Variants in PKNOX2 observed in about 807,000 individuals in gnomAD.
PKNOX2 encodes the protein PBX/knotted 1 homeobox 2.
Under a neutral mutation model 53.1 loss-of-function variants are expected in PKNOX2, and 14 were observed. The observed-to-expected ratio is 0.26, with a 90% CI of 0.17 to 0.41. The LOEUF is 0.41. Among genes scored for constraint, PKNOX2 ranks in the 10% least tolerant of loss-of-function variants. The pLI, the probability that PKNOX2 is intolerant of heterozygous loss-of-function variation, is 1.00. For missense variants in PKNOX2, 496 were observed against 602.8 expected, an observed-to-expected ratio of 0.82 and a Z score of 1.85; for synonymous variants, 257 against 242.8, an observed-to-expected ratio of 1.06 and a Z score of -0.54.
At chr11:125,366,104 C>A (rs1263155258) in intron 4 of PKNOX2, among the ~76,000 whole-genome samples, 3 of 152,212 alleles carry the variant, frequency 2.0e-5, no homozygotes, top group Admixed American at 1.3e-4. Context: ...TTCTTTCTTA[C>A]AGCACCTCCT....
intron 1 of PKNOX2, among the ~76,000 whole-genome samples, chr11:125,167,513 CG>C (rs1954979816): frequency 6.6e-6 from 1 of 152,092 alleles, no homozygotes; most frequent in Admixed American, 6.5e-5. Flanking sequence ...CCTTTGTGAG[CG>C]GGAAAGGCTT....
At chr11:125,393,023 G>A (rs902430056) in intron 6 of PKNOX2, among the ~76,000 whole-genome samples, 13 of 151,844 alleles carry the variant, frequency 8.6e-5, no homozygotes, top group Admixed American at 3.3e-4. Context: ...AAATTAGCCC[G>A]GCGTGGTGGC....
chr11:125,329,644 T>A (rs1565498338), intron 2 of PKNOX2, among the ~76,000 whole-genome samples: 1 of 152,196 alleles, frequency 6.6e-6, no homozygotes, highest in South Asian at 2.1e-4. Flanking sequence ...GGAGGAAAAA[T>A]TACTTCTGGC....
At chr11:125,173,663 G>T (rs998509229) in intron 1 of PKNOX2, among the ~76,000 whole-genome samples, 1 of 152,208 alleles carries the variant, frequency 6.6e-6, no homozygotes, top group South Asian at 2.1e-4. Flanking sequence ...GGGAGGGCCC[G>T]CACTAAGAGG....
intron 1 of PKNOX2, among the ~76,000 whole-genome samples, chr11:125,181,314 G>A (rs1341179185): frequency 1.3e-5 from 2 of 152,244 alleles, no homozygotes; most frequent in East Asian, 3.8e-4. Flanking sequence ...ACAAGAATGT[G>A]AGATGCATTA....
intron 2 of PKNOX2, among the ~76,000 whole-genome samples, chr11:125,279,596 T>A (rs1302456669): frequency 6.6e-6 from 1 of 152,146 alleles, no homozygotes; most frequent in Admixed American, 6.5e-5. Context: ...GGGCATCTGG[T>A]GGGCCCTGCC....
At chr11:125,200,643 C>T (rs914527112) in intron 1 of PKNOX2, among the ~76,000 whole-genome samples, 1 of 152,198 alleles carries the variant, frequency 6.6e-6, no homozygotes, top group Non-Finnish European at 1.5e-5. Context: ...AAGCCACAGC[C>T]GTCACCCATG....
chr11:125,344,907 C>A (rs1029998097), intron 3 of PKNOX2, among the ~76,000 whole-genome samples: 1 of 152,078 alleles, frequency 6.6e-6, no homozygotes, highest in Non-Finnish European at 1.5e-5. Flanking sequence ...GGATGTGAGA[C>A]CTGAGTGCAA....
chr11:125,199,013 G>A (rs11219968), intron 1 of PKNOX2, among the ~76,000 whole-genome samples: 28,265 of 151,876 alleles, frequency 0.19, 3,356 homozygotes, highest in East Asian at 0.33. Flanking sequence ...GCTAATTTTT[G>A]CATTTTCAGT....
chr11:125,245,517 C>T (rs1943495548), intron 2 of PKNOX2, among the ~76,000 whole-genome samples: 1 of 152,244 alleles, frequency 6.6e-6, no homozygotes, highest in African/African-American at 2.4e-5. Context: ...AGCAATTGGA[C>T]TTGGCTTTGA....
In PKNOX2 at chr11:125,240,921, C is replaced by T. The variant is rs921104195; in HGVS notation, c.-130+5806C>T. Among the ~76,000 whole-genome samples, 1 of 152,166 alleles carries T rather than the reference C, an allele frequency of 6.6e-6. No homozygotes were observed. Among genetic ancestry groups the T allele is most frequent in the African/African-American group, 2.4e-5 (1 of 41,436 alleles). On this transcript the variant is annotated intron_variant, in intron 2 of 12. Coordinates refer to ENST00000298282, the MANE Select transcript of PKNOX2 (RefSeq NM_001382323.2). This position sits in a 1 kb window ranked among gnomAD's most constrained non-coding sequence, Gnocchi z 4.3. ...GTTGCATGGATCAAAGAGGAAAATA[C>T]CTCATTAGACCCATTTATCATCAGA...
At chr11:125,197,808 C>A (rs1266283292) in intron 1 of PKNOX2, among the ~76,000 whole-genome samples, 2 of 152,292 alleles carry the variant, frequency 1.3e-5, no homozygotes, top group East Asian at 3.9e-4. Context: ...GGAATGGCGT[C>A]CTGGTGATCT....
At chr11:125,281,230 CTCCT>C (rs1255612242) in intron 2 of PKNOX2, among the ~76,000 whole-genome samples, 1 of 152,204 alleles carries the variant, frequency 6.6e-6, no homozygotes, top group Non-Finnish European at 1.5e-5. Flanking sequence ...AGAGATTGGA[CTCCT>C]GGAACGTATA....
chr11:125,356,272 C>T (rs1225829246), intron 4 of PKNOX2, among the ~76,000 whole-genome samples: 1 of 152,188 alleles, frequency 6.6e-6, no homozygotes, highest in Admixed American at 6.5e-5. Flanking sequence ...CAATGTGGAA[C>T]TAAACTCAAT....
chr11:125,216,122 C>T (rs748815892), intron 1 of PKNOX2, among the ~76,000 whole-genome samples: 1 of 152,194 alleles, frequency 6.6e-6, no homozygotes, highest in African/African-American at 2.4e-5. Flanking sequence ...CATTAAACAA[C>T]GATATCTATT....
intron 1 of PKNOX2, among the ~76,000 whole-genome samples, chr11:125,174,468 G>A (rs1955554713): frequency 6.6e-6 from 1 of 152,144 alleles, no homozygotes; most frequent in South Asian, 2.1e-4. Context: ...ACAATGAGCA[G>A]GTTATCCTTG....
intron 2 of PKNOX2, among the ~76,000 whole-genome samples, chr11:125,254,072 C>T (rs943994766): frequency 6.6e-6 from 1 of 152,102 alleles, no homozygotes; most frequent in African/African-American, 2.4e-5. Context: ...AGAGCGCGCA[C>T]ACCAGGGAAA....
intron 2 of PKNOX2, among the ~76,000 whole-genome samples, chr11:125,303,680 C>T (rs539919657): frequency 7.2e-5 from 11 of 152,174 alleles, no homozygotes; most frequent in South Asian, 2.1e-4. Context: ...GAAATGCTGG[C>T]AGAAATGGAG....
intron 10 of PKNOX2, among the ~76,000 whole-genome samples, chr11:125,421,484 G>A (rs956506366): frequency 3.3e-5 from 5 of 152,218 alleles, no homozygotes; most frequent in Admixed American, 6.5e-5. Flanking sequence ...AGGCAGATAG[G>A]CTTGAGTTGG....
Sources: gnomAD v4.1 joint callset for allele counts (sites outside exome capture counted in the v4.1 genomes callset) on GRCh38, gnomAD v4.1.1 for gene constraint, Gnocchi (gnomAD v3.1) non-coding constraint, MANE v1.5 for transcripts, NCBI Gene and HGNC (gene_info 2026-07-23, HGNC 2026-07-21) for gene names.